The following DAB1 variants were observed in gnomAD, a reference collection of about 807,000 sequenced individuals.
DAB1 encodes DAB adaptor protein 1, also known as disabled homolog 1.
DAB1 carries 15 observed loss-of-function variants against 64.6 expected under a neutral mutation model. The ratio of observed to expected loss-of-function variants is 0.23; its 90% CI spans 0.16 to 0.36. DAB1 has a LOEUF of 0.36. Among genes scored for constraint, DAB1 ranks in the 10% least tolerant of loss-of-function variants. The pLI, the probability that DAB1 is intolerant of heterozygous loss-of-function variation, is 1.00. For synonymous variants in DAB1, 235 were observed against 251.9 expected (o/e 0.93, Z 0.64); for missense variants, 596 against 706.7 (o/e 0.84, Z 1.78).
At chr1:58,130,542 C>A (rs1282104818) in intron 5 of DAB1, among the ~76,000 whole-genome samples, 1 of 152,054 alleles carries the variant, frequency 6.6e-6, no homozygotes, top group African/African-American at 2.4e-5. Flanking sequence ...GATGCAGTTT[C>A]TTCCTAGTCT....
chr1:57,977,170 A>G (rs1645940797), intron 5 of DAB1, among the ~76,000 whole-genome samples: 1 of 152,164 alleles, frequency 6.6e-6, no homozygotes. Flanking sequence ...TGCCTCAGCC[A>G]ATCAGTATTC....
chr1:57,635,726 C>G (rs1439291952), intron 7 of DAB1, among the ~76,000 whole-genome samples: 1 of 152,148 alleles, frequency 6.6e-6, no homozygotes, highest in African/African-American at 2.4e-5. Context: ...TGACCCTGGT[C>G]CATGGAAAAT....
intron 6 of DAB1, among the ~76,000 whole-genome samples, chr1:57,746,990 T>C (rs1171797524): frequency 6.6e-6 from 1 of 152,242 alleles, no homozygotes. Flanking sequence ...TCTCTTATTA[T>C]ACGTTGGCTT....
At chr1:57,560,007 C>T (rs893502082) in intron 7 of DAB1, among the ~76,000 whole-genome samples, 1 of 152,182 alleles carries the variant, frequency 6.6e-6, no homozygotes, top group Non-Finnish European at 1.5e-5. Context: ...TAAGCTTAAC[C>T]AAGTGATGAC....
chr1:58,536,512 C>T, intron 1 of DAB1: 1 of 870,140 alleles, frequency 1.1e-6, no homozygotes, highest in East Asian at 2.4e-5. Flanking sequence ...TTACTACTTA[C>T]TGCTTCATAT....
At chr1:58,149,704 TAGG>T (rs1020810197) in intron 5 of DAB1, among the ~76,000 whole-genome samples, 2 of 152,030 alleles carry the variant, frequency 1.3e-5, no homozygotes, top group Non-Finnish European at 2.9e-5. Flanking sequence ...TGCTACAAGG[TAGG>T]AGGTGATTTT....
chr1:57,481,228 C>T (rs1644014981), intron 7 of DAB1, among the ~76,000 whole-genome samples: 1 of 152,128 alleles, frequency 6.6e-6, no homozygotes, highest in African/African-American at 2.4e-5. Flanking sequence ...TAAAGATCCC[C>T]AGGTGATGCA....
chr1:57,972,924 A>G (rs1246358603), intron 5 of DAB1, among the ~76,000 whole-genome samples: 9 of 152,172 alleles, frequency 5.9e-5, no homozygotes, highest in Admixed American at 5.9e-4. Flanking sequence ...ACATACACAA[A>G]CTAAGCTATA....
At chr1:58,201,009 T>G (rs1190254368) in intron 4 of DAB1, among the ~76,000 whole-genome samples, 2 of 145,988 alleles carry the variant, frequency 1.4e-5, no homozygotes, top group African/African-American at 5.1e-5. Context: ...TGTAGTCTAT[T>G]TTTGTTTGTT....
Position 57,902,098 on chromosome 1 carries a change from C to T in DAB1, n.388-17936G>A, listed in dbSNP as rs1202840. 3.3e-5 allele frequency among the ~76,000 whole-genome samples: 5 copies of T among 149,312 alleles called. No individual in the cohort carries two copies. In the East Asian group the frequency reaches 5.9e-4, roughly 18 times the overall value. ...CTTGAGTTCAGGAGGTGGAGGTTGC[C>T]GTGAGCCAAGATAACACCACTGGTC... On this transcript the variant is annotated intron_variant and non_coding_transcript_variant, in intron 5 of 20. Transcript: ENST00000485760.
At chr1:58,328,965 C>G (rs999878599) in intron 4 of DAB1, among the ~76,000 whole-genome samples, 1 of 152,156 alleles carries the variant, frequency 6.6e-6, no homozygotes, top group Non-Finnish European at 1.5e-5. Flanking sequence ...GCAGAAATAA[C>G]CACTCCTCCT....
At chr1:57,066,780 T>A (rs531934608) in intron 8 of DAB1, among the ~76,000 whole-genome samples, 3 of 152,210 alleles carry the variant, frequency 2.0e-5, no homozygotes, top group Non-Finnish European at 4.4e-5. Flanking sequence ...CGTTTTCACA[T>A]CACTGCTAGG....
chr1:57,707,388 G>A (rs1399119825), intron 6 of DAB1, among the ~76,000 whole-genome samples: 1 of 147,302 alleles, frequency 6.8e-6, no homozygotes, highest in Non-Finnish European at 1.5e-5. Flanking sequence ...GTATTTCATA[G>A]TACGGATGTG....
At chr1:57,696,028 C>G (rs1453076815) in intron 6 of DAB1, among the ~76,000 whole-genome samples, 3 of 152,148 alleles carry the variant, frequency 2.0e-5, no homozygotes, top group African/African-American at 7.2e-5. Context: ...CACCCAAGAA[C>G]TATTTGTTTG....
downstream of DAB1, among the ~76,000 whole-genome samples, chr1:57,822,998 T>TC (rs1252164308): frequency 6.7e-6 from 1 of 150,364 alleles, no homozygotes; most frequent in Non-Finnish European, 1.5e-5. Flanking sequence ...TTTTTTTTTT[T>TC]TTTTGAGATG....
chr1:57,775,055 A>G (rs1020695585), intron 6 of DAB1, among the ~76,000 whole-genome samples: 1 of 151,718 alleles, frequency 6.6e-6, no homozygotes, highest in African/African-American at 2.4e-5. Flanking sequence ...ATTGGCATAA[A>G]GGTATTCATA....
chr1:58,108,435 C>T (rs1022953274), intron 5 of DAB1, among the ~76,000 whole-genome samples: 2 of 152,146 alleles, frequency 1.3e-5, no homozygotes, highest in African/African-American at 4.8e-5. Flanking sequence ...ATTTACTTAC[C>T]AAGTGCTTCT....
intron 7 of DAB1, among the ~76,000 whole-genome samples, chr1:57,648,044 T>A (rs1646214451): frequency 6.6e-6 from 1 of 152,246 alleles, no homozygotes; most frequent in African/African-American, 2.4e-5. Flanking sequence ...ATGACTGTTT[T>A]CAGAAGCTAC....
chr1:57,538,758 C>T (rs1372118273), intron 7 of DAB1, among the ~76,000 whole-genome samples: 1 of 152,114 alleles, frequency 6.6e-6, no homozygotes, highest in African/African-American at 2.4e-5. Flanking sequence ...TCTGTCCTCA[C>T]TTTACTCATC....
Sources: gnomAD v4.1 joint callset for allele counts (sites outside exome capture counted in the v4.1 genomes callset) on GRCh38, gnomAD v4.1.1 for gene constraint, MANE v1.5 for transcripts, NCBI Gene and HGNC (gene_info 2026-07-23, HGNC 2026-07-21) for gene names.